The following ZNF670 variants were observed in gnomAD, a reference collection of about 807,000 sequenced individuals.
The protein encoded by ZNF670 is zinc finger protein 670.
Under a neutral mutation model 10.9 loss-of-function variants are expected in ZNF670, and 7 were observed. That is an observed-to-expected ratio of 0.64 (90% CI 0.36 to 1.20). The LOEUF is 1.20. Among genes scored for constraint, ZNF670 ranks in the 50% most tolerant of loss-of-function variants. The pLI is 0.02. For synonymous variants in ZNF670, 136 were observed against 152.7 expected, an observed-to-expected ratio of 0.89 and a Z score of 0.81; for missense variants, 446 against 458.6, an observed-to-expected ratio of 0.97 and a Z score of 0.25.
chr1:247,063,626 C>T (rs1670915333), intron 1 of ZNF670, among the ~76,000 whole-genome samples: 1 of 147,702 alleles, frequency 6.8e-6, no homozygotes, highest in African/African-American at 2.5e-5. Context: ...AATTCATCGC[C>T]AGCCTTAGGA....
chr1:247,051,275 A>C (rs1670589822), intron 1 of ZNF670, among the ~76,000 whole-genome samples: 1 of 152,102 alleles, frequency 6.6e-6, no homozygotes, highest in South Asian at 2.1e-4. Context: ...AAAACAAAAA[A>C]AAAACTCCTT....
At position 247,040,042 on chromosome 1, in the gene ZNF670, C is replaced by T. The variant is rs76604747; in HGVS notation, c.4-505G>A. Among the ~76,000 whole-genome samples, 700 of 152,258 alleles carry T rather than the reference C, an allele frequency of 4.6e-3. 7 individuals are homozygous for T. Among genetic ancestry groups the T allele is most frequent in the African/African-American group, 0.015 (629 of 41,550 alleles). ...AATCTTATGCAAACAATATATTATT[C>T]GCTGAACTCCAGTTTTGTTTTGTTT... On this transcript the variant is annotated intron_variant, in intron 1 of 3. Coordinates refer to ENST00000366503, the MANE Select transcript of ZNF670 (RefSeq NM_033213.5).
intron 1 of ZNF670, among the ~76,000 whole-genome samples, chr1:247,077,721 C>T (rs1671284892): frequency 6.6e-6 from 1 of 152,200 alleles, no homozygotes; most frequent in Non-Finnish European, 1.5e-5. Flanking sequence ...TAGGGTTTTA[C>T]TACAAGCCCC....
At chr1:247,069,548 C>G (rs1012387855) in intron 1 of ZNF670, among the ~76,000 whole-genome samples, 2 of 151,000 alleles carry the variant, frequency 1.3e-5, no homozygotes, top group African/African-American at 2.5e-5. Flanking sequence ...TCCACACTCT[C>G]GTTTGTTGTA....
chr1:247,045,929 AC>A (rs1488289650), intron 1 of ZNF670, among the ~76,000 whole-genome samples: 2 of 152,182 alleles, frequency 1.3e-5, no homozygotes, highest in Non-Finnish European at 2.9e-5. Flanking sequence ...AGCAAAGGTC[AC>A]CCATGTTACA....
At chr1:247,041,364 G>A (rs1670303916) in intron 1 of ZNF670, among the ~76,000 whole-genome samples, 1 of 152,110 alleles carries the variant, frequency 6.6e-6, no homozygotes, top group South Asian at 2.1e-4. Context: ...GTGTAAAAAT[G>A]AACACGATTT....
rs371535164 is a variant in ZNF670 at position 247,053,068 on chromosome 1, G to A, written c.4-13531C>T. Among the ~76,000 whole-genome samples the A allele has an allele frequency of 4.5e-4, 69 of 152,222 alleles. 1 individual carries two copies. The South Asian group carries it at 0.011, about 24-fold the overall frequency. Reference sequence around the variant, plus strand: ...TATCATACAGGCTGCCAGGGAAGTGGGAGAAAGCCAGCAGTGACAGGCCTC... The same window carrying A: ...TATCATACAGGCTGCCAGGGAAGTGAGAGAAAGCCAGCAGTGACAGGCCTC... On this transcript the variant is annotated intron_variant, in intron 1 of 3. Transcript: ENST00000366503.
In ZNF670 at chr1:247,036,871, T is replaced by TACACACACACACACACACACACAC. The variant is rs61533545; in HGVS notation, c.*554_*577dup. On this transcript the variant is annotated 3_prime_UTR_variant, in exon 4 of 4. Transcript: ENST00000366503. Reference sequence around the variant, plus strand: ...GTAGTTTTCCCATAAAAAGGTAGAATACACACACACACACACACACACACA... The same window carrying TACACACACACACACACACACACAC: ...GTAGTTTTCCCATAAAAAGGTAGAATACACACACACACACACACACACACACACACACACACACACACACACACA... The TACACACACACACACACACACACAC allele has an allele frequency of 7.0e-6, 1 of 143,732 alleles. No individual in the cohort carries two copies. The highest frequency in any genetic ancestry group is 7.0e-5 in the Admixed American group (1 of 14,228). 8.9% of individuals were successfully genotyped at this position (143,732 alleles called of 1,614,324 possible).
chr1:247,071,661 G>A (rs553617906), intron 1 of ZNF670, among the ~76,000 whole-genome samples: 1 of 151,964 alleles, frequency 6.6e-6, no homozygotes, highest in South Asian at 2.1e-4. Flanking sequence ...GAATGATGAA[G>A]GTCTGAATAT....
chr1:247,035,634 T>C lies in ZNF670; in HGVS notation c.*1815A>G, dbSNP rs1670131749. Among the ~76,000 whole-genome samples the C allele has an allele frequency of 6.6e-6, 1 of 152,220 alleles. No individual in the cohort carries two copies. On this transcript the variant is annotated 3_prime_UTR_variant, in exon 4 of 4. Coordinates refer to ENST00000366503, the MANE Select transcript of ZNF670 (RefSeq NM_033213.5). ...TAATTCATAGTAACTTACAAAACTG[T>C]ACTATACCACATATTATATAGCTAC...
At chr1:247,049,304 G>A (rs1007355286) in intron 1 of ZNF670, among the ~76,000 whole-genome samples, 8 of 151,748 alleles carry the variant, frequency 5.3e-5, no homozygotes, top group Non-Finnish European at 7.4e-5. Flanking sequence ...CTGACCTCAC[G>A]ACCTGCCCAC....
intron 1 of ZNF670, among the ~76,000 whole-genome samples, chr1:247,040,837 A>C (rs2103052672): frequency 6.6e-6 from 1 of 152,216 alleles, no homozygotes; most frequent in Admixed American, 6.5e-5. Context: ...CTGAGATTAC[A>C]GGCATGTGTC....
intron 1 of ZNF670, among the ~76,000 whole-genome samples, chr1:247,054,073 C>T (rs1274145603): frequency 6.6e-6 from 1 of 152,208 alleles, no homozygotes; most frequent in Non-Finnish European, 1.5e-5. Flanking sequence ...GAATGTAGTG[C>T]TGCCAACACC....
intron 1 of ZNF670, among the ~76,000 whole-genome samples, chr1:247,058,520 G>A (rs1471599239): frequency 6.6e-6 from 1 of 151,998 alleles, no homozygotes; most frequent in African/African-American, 2.4e-5. Context: ...AACACTGATA[G>A]AAAACATCAG....
intron 1 of ZNF670, among the ~76,000 whole-genome samples, chr1:247,058,436 C>CAAT (rs1389296044): frequency 1.3e-5 from 2 of 151,922 alleles, no homozygotes; most frequent in Non-Finnish European, 2.9e-5. Context: ...GATCTAAAAC[C>CAAT]AATAATTCAA....
Position 247,038,243 on chromosome 1 carries a change from T to C in ZNF670, c.376A>G (p.Ile126Val), listed in dbSNP as rs1670213760. 1 of 1,614,202 alleles carries C rather than the reference T, an allele frequency of 6.2e-7. No individual in the cohort carries two copies. Among genetic ancestry groups the C allele is most frequent in the Non-Finnish European group, 8.5e-7 (1 of 1,180,022 alleles). Reference sequence around the variant, plus strand: ...TCACACTCAAATAGTTTGTTTCCAATGTGAGACAGGATGTGCCTATGAAGG... The same window carrying C: ...TCACACTCAAATAGTTTGTTTCCAACGTGAGACAGGATGTGCCTATGAAGG... ...SALHRHILSH[I>V]GNKLFECEEC... Residue 126 changes from isoleucine (I) to valine (V), a missense_variant, in exon 4 of 4, where the codon ATT (isoleucine) becomes GTT (valine). Ile to Val is a conservative substitution (Grantham distance 29). Transcript: ENST00000366503.
rs778871699 is a variant in ZNF670, at chr1:247,039,425, T to A, written c.116A>T (p.Asn39Ile). The A allele has an allele frequency of 1.1e-5, 18 of 1,602,788 alleles. 1 individual carries two copies. The South Asian group carries it at 2.0e-4, about 18-fold the overall frequency. ...GTTATTCTTACCTACAGAAGCCAGG[T>A]TCCTGAAGATTTCTTGCATCACATC... ...YRDVMQEIFR[N>I]LASVGNKSED... Residue 39 changes from asparagine (N) to isoleucine (I), a missense_variant, in exon 2 of 4, where the codon AAC becomes ATC. Physicochemically the swap from Asn to Ile is moderately radical, Grantham distance 149. Coordinates refer to ENST00000366503, the MANE Select transcript of ZNF670 (RefSeq NM_033213.5).
At chr1:247,044,845 A>C (rs945694912) in intron 1 of ZNF670, among the ~76,000 whole-genome samples, 2 of 152,132 alleles carry the variant, frequency 1.3e-5, no homozygotes, top group African/African-American at 4.8e-5. Flanking sequence ...AAAACTACCT[A>C]TCAGGCACTA....
chr1:247,045,636 T>C (rs545124671), intron 1 of ZNF670, among the ~76,000 whole-genome samples: 7 of 152,278 alleles, frequency 4.6e-5, no homozygotes, highest in Admixed American at 2.0e-4. Flanking sequence ...GTCTTAGGTA[T>C]TACTTTATAT....
Sources: allele counts gnomAD v4.1 joint callset (sites outside exome capture counted in the v4.1 genomes callset), GRCh38; gene constraint gnomAD v4.1.1; transcripts MANE v1.5; gene names NCBI Gene and HGNC (gene_info 2026-07-23, HGNC 2026-07-21).